RPS6KA2: variants seen among roughly 807,000 people sequenced by gnomAD.
RPS6KA2 encodes ribosomal protein S6 kinase alpha-2.
Under a neutral mutation model 91.8 loss-of-function variants are expected in RPS6KA2, and 42 were observed. The ratio of observed to expected loss-of-function variants is 0.46; its 90% CI spans 0.36 to 0.59. The LOEUF (loss-of-function observed/expected upper bound fraction) is 0.59, where lower values mean the gene tolerates loss of function less well. Among genes scored for constraint, RPS6KA2 ranks in the 20% least tolerant of loss-of-function variants. The pLI is 0.00. For synonymous variants in RPS6KA2, 414 were observed against 393.6 expected, an observed-to-expected ratio of 1.05 and a Z score of -0.61; for missense variants, 798 against 978.5, an observed-to-expected ratio of 0.82 and a Z score of 2.46.
At position 166,726,717 on chromosome 6, in the gene RPS6KA2, T is replaced by G. The variant is rs1790349881; in HGVS notation, c.123+131483A>C. Among the ~76,000 whole-genome samples, 1 of 152,248 alleles carries G rather than the reference T, an allele frequency of 6.6e-6. No individual in the cohort carries two copies. Among genetic ancestry groups the G allele is most frequent in the South Asian group, 2.1e-4 (1 of 4,838 alleles). ...GGAAAGTGACTCTTACAACTTCAGT[T>G]GCGATACCGGTTTCCATAAGCTTCT... On this transcript the variant is annotated intron_variant, in intron 2 of 21. Transcript: ENST00000503859. The surrounding 1 kb of genome is among the most constrained non-coding windows in gnomAD (Gnocchi z 4.4).
At position 166,533,899 on chromosome 6, in the gene RPS6KA2, T is replaced by C. The variant is rs943333449; in HGVS notation, c.217-2586A>G. ...GAATTTGCAACCAGCCTGGGCAGCA[T>C]AGCAAAACCCCAGGTCTAGTAAAAA... is the stretch of plus-strand genomic sequence containing the variant. On this transcript the variant is annotated intron_variant, in intron 2 of 20. Coordinates refer to ENST00000265678, the MANE Select transcript of RPS6KA2 (RefSeq NM_021135.6). This position sits in a 1 kb window ranked among gnomAD's most constrained non-coding sequence, Gnocchi z 4.0. Among the ~76,000 whole-genome samples the C allele has an allele frequency of 2.0e-5, 3 of 151,986 alleles. No individual in the cohort carries two copies. Among genetic ancestry groups the C allele is most frequent in the Non-Finnish European group, 4.4e-5 (3 of 67,996 alleles).
intron 2 of RPS6KA2, among the ~76,000 whole-genome samples, chr6:166,828,073 G>A (rs1707392996): frequency 1.3e-5 from 2 of 152,208 alleles, no homozygotes; most frequent in South Asian, 4.1e-4. Context: ...AAACATGCTG[G>A]AGGAAAAAGT....
intron 1 of RPS6KA2, among the ~76,000 whole-genome samples, chr6:166,609,631 C>G (rs1786092532): frequency 6.6e-6 from 1 of 151,590 alleles, no homozygotes; most frequent in Non-Finnish European, 1.5e-5. Flanking sequence ...TCCTGAGTAG[C>G]TGGGATTACA....
rs551764875 is a variant in RPS6KA2 at position 166,581,432 on chromosome 6, G to A, written c.100-42648C>T. Among the ~76,000 whole-genome samples the A allele has an allele frequency of 1.9e-4, 29 of 152,114 alleles. No individual in the cohort carries two copies. In the South Asian group the frequency reaches 2.7e-3, roughly 14 times the overall value. Reference sequence around the variant, plus strand: ...TTTGCTTCTCAGGGAGGGAACTGACGCCCCGCTCAGCCCTTCCTTCTCCTA... The same window carrying A: ...TTTGCTTCTCAGGGAGGGAACTGACACCCCGCTCAGCCCTTCCTTCTCCTA... On this transcript the variant is annotated intron_variant, in intron 1 of 20. Coordinates refer to ENST00000265678, the MANE Select transcript of RPS6KA2 (RefSeq NM_021135.6).
Position 166,599,299 on chromosome 6 carries a change from C to T in RPS6KA2, c.99+27622G>A, listed in dbSNP as rs528237880. 3.9e-5 allele frequency among the ~76,000 whole-genome samples: 6 copies of T among 152,314 alleles called. No homozygotes were observed. The South Asian group carries it at 1.2e-3, about 32-fold the overall frequency. On this transcript the variant is annotated intron_variant, in intron 1 of 20. Transcript: ENST00000265678. ...AGTCATATGAAATATGTGCTGATTT[C>T]CTTCTCTCCTCTGATGAGGTTACCA...
intron 3 of RPS6KA2, among the ~76,000 whole-genome samples, chr6:166,517,376 G>C (rs1397181066): frequency 6.6e-6 from 1 of 150,744 alleles, no homozygotes; most frequent in Non-Finnish European, 1.5e-5. Flanking sequence ...AATCTCTGCA[G>C]CACTGTGACA....
chr6:166,425,265 T>A (rs1319082669), intron 16 of RPS6KA2, among the ~76,000 whole-genome samples: 1 of 152,046 alleles, frequency 6.6e-6, no homozygotes, highest in East Asian at 1.9e-4. Flanking sequence ...TTAAAAAATT[T>A]TAAAATTTGA....
Position 166,557,135 on chromosome 6 carries a change from G to A in RPS6KA2, c.100-18351C>T, listed in dbSNP as rs1784200475. Among the ~76,000 whole-genome samples, 1 of 152,216 alleles carries A rather than the reference G, an allele frequency of 6.6e-6. No homozygotes were observed. Among genetic ancestry groups the A allele is most frequent in the South Asian group, 2.1e-4 (1 of 4,832 alleles). ...CCAAGTGGCTGTGCTGAACAAGAGG[G>A]CACAAAGTAGAACATGCCCTCCCCC... On this transcript the variant is annotated intron_variant, in intron 1 of 20. Coordinates refer to ENST00000265678, the MANE Select transcript of RPS6KA2 (RefSeq NM_021135.6). This position sits in a 1 kb window ranked among gnomAD's most constrained non-coding sequence, Gnocchi z 4.8.
At position 166,854,547 on chromosome 6, in the gene RPS6KA2, G is replaced by T. The variant is rs917478637; in HGVS notation, c.123+3653C>A. ...AGATTATCAATAAATATTCTTGGCT[G>T]AATAAATGAATGGGAAAACTGCTGC... On this transcript the variant is annotated intron_variant, in intron 2 of 21. Transcript: ENST00000503859. Among the ~76,000 whole-genome samples the T allele has an allele frequency of 2.6e-5, 4 of 152,200 alleles. 1 individual carries two copies. Among genetic ancestry groups the T allele is most frequent in the African/African-American group, 9.7e-5 (4 of 41,438 alleles).
rs150090906 is a variant in RPS6KA2 at position 166,837,071 on chromosome 6, C to T, written c.123+21129G>A. On this transcript the variant is annotated intron_variant, in intron 2 of 21. Coordinates refer to the RPS6KA2 transcript ENST00000503859. ...CAGGTGCCGCTCACCTGGCCACAGC[C>T]GGCTCTTCACTGCGTGCCCCGCCCG... is the stretch of plus-strand genomic sequence containing the variant. 1.1e-4 allele frequency among the ~76,000 whole-genome samples: 16 copies of T among 152,294 alleles called. No homozygotes were observed. In the East Asian group the frequency reaches 2.7e-3, roughly 26 times the overall value.
chr6:166,555,565 G>A (rs1298450071), intron 1 of RPS6KA2, among the ~76,000 whole-genome samples: 3 of 151,958 alleles, frequency 2.0e-5, no homozygotes, highest in Non-Finnish European at 2.9e-5. Flanking sequence ...ATTCCTCGGG[G>A]AGGTGGATTT....
chr6:166,576,812 T>C (rs998877877), intron 1 of RPS6KA2, among the ~76,000 whole-genome samples: 7 of 152,174 alleles, frequency 4.6e-5, no homozygotes, highest in African/African-American at 9.7e-5. Flanking sequence ...TAATGAGAAG[T>C]TGAATGTTAA....
chr6:166,710,832 A>G lies in RPS6KA2; in HGVS notation c.123+147368T>C, dbSNP rs2128580168. ...CTTTGCCTCATGTGTACTAGACCTG[A>G]AGCCAAATAAATCAGCAACCCAGGA... is the stretch of plus-strand genomic sequence containing the variant. On this transcript the variant is annotated intron_variant, in intron 2 of 21. Transcript: ENST00000503859. Among the ~76,000 whole-genome samples, 2 of 152,294 alleles carry G rather than the reference A, an allele frequency of 1.3e-5. 1 individual carries two copies. The highest frequency in any genetic ancestry group is 4.1e-4 in the South Asian group (2 of 4,830).
At chr6:166,488,507 C>T (rs994185023) in intron 10 of RPS6KA2, among the ~76,000 whole-genome samples, 2 of 152,230 alleles carry the variant, frequency 1.3e-5, no homozygotes, top group Non-Finnish European at 2.9e-5. Flanking sequence ...AGCTTTTCAA[C>T]GGTTCTGTCC....
chr6:166,534,112 C>T (rs894860494), intron 2 of RPS6KA2, among the ~76,000 whole-genome samples: 2 of 150,186 alleles, frequency 1.3e-5, no homozygotes, highest in African/African-American at 4.9e-5. Context: ...GTCTCAGCTA[C>T]TCGAGAGGCT....
chr6:166,558,099 T>C (rs1294133905), intron 1 of RPS6KA2, among the ~76,000 whole-genome samples: 1 of 152,080 alleles, frequency 6.6e-6, no homozygotes, highest in Non-Finnish European at 1.5e-5. Context: ...TACATATATA[T>C]GTATGTATAT....
chr6:166,741,066 C>T (rs1790798031), intron 2 of RPS6KA2, among the ~76,000 whole-genome samples: 1 of 152,244 alleles, frequency 6.6e-6, no homozygotes, highest in Non-Finnish European at 1.5e-5. Context: ...TGCAGGCGCT[C>T]ATCCAAAGGG....
chr6:166,441,672 C>G (rs1779522253), intron 14 of RPS6KA2, among the ~76,000 whole-genome samples: 1 of 152,238 alleles, frequency 6.6e-6, no homozygotes, highest in Non-Finnish European at 1.5e-5. Context: ...CACTGCAGCG[C>G]CCAGCGTTAG....
chr6:166,728,300 T>C (rs1790402159), intron 2 of RPS6KA2, among the ~76,000 whole-genome samples: 1 of 152,200 alleles, frequency 6.6e-6, no homozygotes, highest in Admixed American at 6.5e-5. Flanking sequence ...ATCAGATCCC[T>C]GCCCCTCATG....
Sources: gnomAD v4.1 joint callset for allele counts (sites outside exome capture counted in the v4.1 genomes callset) on GRCh38, gnomAD v4.1.1 for gene constraint, Gnocchi (gnomAD v3.1) non-coding constraint, MANE v1.5 for transcripts, NCBI Gene and HGNC (gene_info 2026-07-23, HGNC 2026-07-21) for gene names.